Variants in ASIP observed in about 807,000 individuals in gnomAD.
ASIP encodes agouti-signaling protein.
ASIP carries 11 observed loss-of-function variants against 10.3 expected under a neutral mutation model. The ratio of observed to expected loss-of-function variants is 1.07; its 90% CI spans 0.68 to 1.78. ASIP has a LOEUF of 1.78. Among genes scored for constraint, ASIP ranks in the 40% most tolerant of loss-of-function variants. The pLI is 0.00. For synonymous variants in ASIP, 70 were observed against 70.8 expected (o/e 0.99, Z 0.06); for missense variants, 180 against 169.2 (o/e 1.06, Z -0.35).
intron 1 of ASIP, among the ~76,000 whole-genome samples, chr20:34,247,491 G>A (rs911211442): frequency 6.6e-6 from 1 of 151,574 alleles, no homozygotes; most frequent in African/African-American, 2.4e-5. Context: ...GTAGAGACGA[G>A]GTTTCATCAT....
At chr20:34,214,287 G>A (rs2034993311) in intron 1 of ASIP, 5 of 1,395,332 alleles carry the variant, frequency 3.6e-6, no homozygotes, top group Admixed American at 1.7e-5. Flanking sequence ...ATCTAAGAAA[G>A]CCATTAGTAC....
upstream of ASIP, among the ~76,000 whole-genome samples, chr20:34,191,224 CAAT>C (rs2034822723): frequency 6.6e-6 from 1 of 152,230 alleles, no homozygotes; most frequent in South Asian, 2.1e-4. Context: ...TTCCATCCAA[CAAT>C]GAGTAGCAAA....
intron 1 of ASIP, among the ~76,000 whole-genome samples, chr20:34,245,669 G>T (rs1361520272): frequency 6.6e-6 from 1 of 151,898 alleles, no homozygotes; most frequent in Non-Finnish European, 1.5e-5. Flanking sequence ...GATTACAGGC[G>T]TGAGCCACCA....
chr20:34,235,867 A>AGCGGG (rs1289662891), intron 1 of ASIP, among the ~76,000 whole-genome samples: 1 of 27,058 alleles, frequency 3.7e-5, no homozygotes, highest in Non-Finnish European at 5.3e-5. Flanking sequence ...GAAGGAAGGA[A>AGCGGG]AGGAAGGAAG....
At chr20:34,235,789 G>GAA (rs1267039288) in intron 1 of ASIP, among the ~76,000 whole-genome samples, 1 of 31,850 alleles carries the variant, frequency 3.1e-5, no homozygotes, top group South Asian at 1.2e-3. Context: ...TGAGAAAGAA[G>GAA]AAAGAAAGAA....
chr20:34,235,840 A>AGAAAGAAGGAAG (rs2035181989), intron 1 of ASIP, among the ~76,000 whole-genome samples: 1 of 53,754 alleles, frequency 1.9e-5, no homozygotes, highest in African/African-American at 1.9e-4. Flanking sequence ...AAAGAAAGAA[A>AGAAAGAAGGAAG]GAAGGAAGGA....
At chr20:34,268,445 C>T (rs980483560) in intron 3 of ASIP, among the ~76,000 whole-genome samples, 1 of 152,098 alleles carries the variant, frequency 6.6e-6, no homozygotes, top group African/African-American at 2.4e-5. Flanking sequence ...AGGCCGGGCG[C>T]GGTGGCTCAC....
intron 1 of ASIP, among the ~76,000 whole-genome samples, chr20:34,226,082 CG>C (rs2035091042): frequency 6.8e-6 from 1 of 147,292 alleles, no homozygotes; most frequent in Non-Finnish European, 1.5e-5. Context: ...TTAGTAGAGA[CG>C]GGGTTTCACC....
intron 3 of ASIP, among the ~76,000 whole-genome samples, chr20:34,265,039 G>A (rs906499359): frequency 6.6e-6 from 1 of 151,898 alleles, no homozygotes; most frequent in Non-Finnish European, 1.5e-5. Context: ...CAGGCAATCC[G>A]CTGCTTCTGT....
intron 1 of ASIP, among the ~76,000 whole-genome samples, chr20:34,244,134 G>T (rs2035331216): frequency 6.6e-6 from 1 of 152,198 alleles, no homozygotes; most frequent in East Asian, 1.9e-4. Flanking sequence ...CCATGGTTTT[G>T]TGGGCTCTAA....
intron 1 of ASIP, among the ~76,000 whole-genome samples, chr20:34,235,825 G>GA (rs1568755816): frequency 1.6e-5 from 1 of 62,154 alleles, no homozygotes; most frequent in Non-Finnish European, 2.5e-5. Context: ...AAGAAAGAAA[G>GA]AAAGAAAGAA....
chr20:34,246,876 T>C (rs571451161), intron 1 of ASIP, among the ~76,000 whole-genome samples: 1 of 152,324 alleles, frequency 6.6e-6, no homozygotes, highest in East Asian at 1.9e-4. Context: ...CCTCTCTCCT[T>C]TCCTTTTCTG....
At chr20:34,242,710 T>C (rs1171780520) in intron 1 of ASIP, among the ~76,000 whole-genome samples, 1 of 152,290 alleles carries the variant, frequency 6.6e-6, no homozygotes, top group Non-Finnish European at 1.5e-5. Flanking sequence ...TGCTCAGCTA[T>C]ATCTCCTTGG....
At chr20:34,259,503 ACT>A (rs557124492) in intron 1 of ASIP, among the ~76,000 whole-genome samples, 1 of 151,548 alleles carries the variant, frequency 6.6e-6, no homozygotes, top group South Asian at 2.1e-4. Flanking sequence ...ACAGAGCAAG[ACT>A]CTGTCTCAAA....
At chr20:34,194,893 TC>T (rs1328687400) in intron 1 of ASIP, 1 of 152,272 alleles carries the variant, frequency 6.6e-6, no homozygotes, top group Non-Finnish European at 1.5e-5. Flanking sequence ...TCTTTCTCCA[TC>T]CCCCTCCTTC....
At position 34,269,170 on chromosome 20, in the gene ASIP, G is replaced by T; in HGVS notation, c.*3G>T. ...GCGTGCTCAGCCTCAACTGCTGAGC[G>T]CCCCCACTCCCGGCCGCGAGCAGGC... On this transcript the variant is annotated 3_prime_UTR_variant, in exon 4 of 4. Coordinates refer to ENST00000374954, the MANE Select transcript of ASIP (RefSeq NM_001672.3). 6.6e-7 allele frequency: 1 copy of T among 1,516,508 alleles called. No homozygotes were observed. The allele number at this position is 1,516,508 out of a possible 1,614,324, so 93.9% of individuals were successfully genotyped here.
intron 1 of ASIP, among the ~76,000 whole-genome samples, chr20:34,235,844 G>GAAA (rs1568756042): frequency 0.046 from 1,180 of 25,514 alleles, 18 homozygotes; most frequent in East Asian, 0.068. Flanking sequence ...AAAGAAAGAA[G>GAAA]GAAGGAAGGA....
chr20:34,267,459 C>CAAAAAAAAA (rs953440256), intron 3 of ASIP, among the ~76,000 whole-genome samples: 11 of 46,280 alleles, frequency 2.4e-4, no homozygotes, highest in Non-Finnish European at 3.1e-4. Flanking sequence ...AACTGGCTCT[C>CAAAAAAAAA]AAAAAAAAAA....
intron 3 of ASIP, among the ~76,000 whole-genome samples, chr20:34,264,396 A>AT (rs1254584869): frequency 1.3e-5 from 2 of 152,216 alleles, no homozygotes; most frequent in African/African-American, 4.8e-5. Context: ...TCACCAGGAA[A>AT]TCACATATTG....
Sources: allele counts gnomAD v4.1 joint callset (sites outside exome capture counted in the v4.1 genomes callset), GRCh38; gene constraint gnomAD v4.1.1; transcripts MANE v1.5; gene names NCBI Gene and HGNC (gene_info 2026-07-23, HGNC 2026-07-21).